The following HEATR1 variants were observed in gnomAD, a reference collection of about 807,000 sequenced individuals.
The protein encoded by HEATR1 is HEAT repeat-containing protein 1.
A neutral mutation model predicts 248.2 loss-of-function variants in HEATR1; 77 were observed. The observed-to-expected ratio is 0.31, with a 90% CI of 0.26 to 0.37. The LOEUF (loss-of-function observed/expected upper bound fraction) is 0.37, where lower values mean the gene tolerates loss of function less well. Among genes scored for constraint, HEATR1 ranks in the 10% least tolerant of loss-of-function variants. HEATR1 has a pLI of 1.00. For missense variants in HEATR1, 2,420 were observed against 2,504.9 expected (o/e 0.97, Z 0.72); for synonymous variants, 897 against 923.1 (o/e 0.97, Z 0.51).
intron 19 of HEATR1, among the ~76,000 whole-genome samples, chr1:236,581,646 C>T (rs1663744785): frequency 6.6e-6 from 1 of 152,100 alleles, no homozygotes; most frequent in South Asian, 2.1e-4. Flanking sequence ...AAACACAGAA[C>T]CAAGACAAGA....
At chr1:236,583,760 T>C (rs1663816584) in intron 17 of HEATR1, among the ~76,000 whole-genome samples, 1 of 152,182 alleles carries the variant, frequency 6.6e-6, no homozygotes, top group Non-Finnish European at 1.5e-5. Flanking sequence ...ATGCTGGGAT[T>C]ATAGGCGTGA....
At chr1:236,555,513 T>C in intron 40 of HEATR1, 38 bp downstream of exon 40, 1 of 1,614,046 alleles carries the variant, frequency 6.2e-7, no homozygotes, top group Non-Finnish European at 8.5e-7. Flanking sequence ...GTCACTTAAA[T>C]CTGAGCACAA....
rs1365723048 is a variant in HEATR1, at chr1:236,558,221, G to C, written c.5204+16C>G. 1.2e-5 allele frequency: 19 copies of C among 1,603,262 alleles called. No homozygotes were observed. The highest frequency in any genetic ancestry group is 1.6e-5 in the Non-Finnish European group (19 of 1,175,280). On this transcript the variant is annotated intron_variant, in intron 36 of 44. Coordinates refer to ENST00000366582, the MANE Select transcript of HEATR1 (RefSeq NM_018072.6). ...CAGGCGGTAACAGCTCCTGTTCCAA[G>C]TCTCCGGCCGCATACCTGGGAAGCT...
In HEATR1 at chr1:236,557,176, C is replaced by T. The variant is rs1572032135; in HGVS notation, c.5355+19G>A. The T allele has an allele frequency of 3.7e-6, 6 of 1,612,400 alleles. No individual in the cohort carries two copies. Among genetic ancestry groups the T allele is most frequent in the East Asian group, 2.2e-5 (1 of 44,856 alleles). ...TCCCCAGCCACCCTGCGTAGCATGT[C>T]GTGGCTATCGTGGCTCACCTGGGAG... On this transcript the variant is annotated intron_variant, in intron 37 of 44. Coordinates refer to ENST00000366582, the MANE Select transcript of HEATR1 (RefSeq NM_018072.6).
In HEATR1 at chr1:236,555,366, A is replaced by G. The variant is rs574526376; in HGVS notation, c.5853T>C (p.Phe1951=). 1 of 1,614,254 alleles carries G rather than the reference A, an allele frequency of 6.2e-7. No homozygotes were observed. The highest frequency in any genetic ancestry group is 1.7e-5 in the Admixed American group (1 of 60,028). The change falls in exon 41 of 45, where the codon TTT becomes TTC. Residue 1951 remains phenylalanine (F), a synonymous_variant. Transcript: ENST00000366582. ...TCACTAAGTGGCCGGCAAACAGAGT[A>G]AAAAGCCCTTTCAGCTTTTCAGCAA... The part of the protein sequence containing the change: ...DCIAEKLKGL[F]TLFAGHLVKP...
chr1:236,575,660 T>C (rs1267343316), intron 22 of HEATR1, among the ~76,000 whole-genome samples: 2 of 152,240 alleles, frequency 1.3e-5, no homozygotes, highest in Non-Finnish European at 2.9e-5. Context: ...ACAGTCAGTC[T>C]AGGACTGATG....
chr1:236,600,461 C>T (rs1251177531), intron 3 of HEATR1, among the ~76,000 whole-genome samples: 1 of 151,736 alleles, frequency 6.6e-6, no homozygotes, highest in African/African-American at 2.4e-5. Context: ...GCCAACTGAT[C>T]CCTCTTCTGT....
chr1:236,576,875 C>A lies in HEATR1; in HGVS notation c.2830G>T (p.Ala944Ser). The change falls in exon 21 of 45, where the codon GCC becomes TCC. Residue 944 changes from alanine (A) to serine (S), a missense_variant. Coordinates refer to ENST00000366582, the MANE Select transcript of HEATR1 (RefSeq NM_018072.6). The part of the protein sequence containing the change: ...VRRAAIQCLQ[A>S]LSGVASPFYL... The stretch of plus-strand genomic sequence containing the variant: ...AACGGGGATGCCACTCCACTGAGGG[C>A]CTGGAGACACTGAATGGCAGCCCTA... 6.2e-7 allele frequency: 1 copy of A among 1,613,812 alleles called. No homozygotes were observed.
At chr1:236,579,466 T>C (rs1016732238) in intron 20 of HEATR1, among the ~76,000 whole-genome samples, 5 of 152,186 alleles carry the variant, frequency 3.3e-5, no homozygotes, top group African/African-American at 1.2e-4. Flanking sequence ...CTAAATAAAA[T>C]ATATGTACCT....
At position 236,556,208 on chromosome 1, in the gene HEATR1, A is replaced by T. The variant is rs1384477971; in HGVS notation, c.5406T>A (p.Ala1802=). Residue 1802 remains alanine, a synonymous_variant, in exon 38 of 45, where the codon GCT becomes GCA. Transcript: ENST00000366582. ...ITSEMGSASQ[A]NIRLTSLKKT... Reference sequence around the variant, plus strand: ...TTTTAAGAGATGTGAGACGGATATTAGCCTGTGACGCAGAACCCATTTCAC... The same window carrying T: ...TTTTAAGAGATGTGAGACGGATATTTGCCTGTGACGCAGAACCCATTTCAC... 6.2e-7 allele frequency: 1 copy of T among 1,614,108 alleles called. No individual in the cohort carries two copies. The highest frequency in any genetic ancestry group is 1.1e-5 in the South Asian group (1 of 91,074).
At chr1:236,576,700 G>A in intron 21 of HEATR1, 80 bp downstream of exon 21, 1 of 1,315,266 alleles carries the variant, frequency 7.6e-7, no homozygotes, top group Non-Finnish European at 1.0e-6. Context: ...TCCCTACACA[G>A]TGAAATGTCG....
At chr1:236,597,609 C>G (rs1039810392) in intron 5 of HEATR1, among the ~76,000 whole-genome samples, 2 of 151,736 alleles carry the variant, frequency 1.3e-5, no homozygotes, top group Non-Finnish European at 2.9e-5. Flanking sequence ...TCTAGACACT[C>G]TCTTTGAATA....
chr1:236,553,533 T>TA, intron 43 of HEATR1, 48 bp downstream of exon 43: 1 of 1,584,784 alleles, frequency 6.3e-7, no homozygotes, highest in Non-Finnish European at 8.6e-7. Context: ...CTGTTTAGGC[T>TA]ATGCAGTGAA....
intron 12 of HEATR1, among the ~76,000 whole-genome samples, chr1:236,589,983 A>C (rs16834007): frequency 0.025 from 3,800 of 152,350 alleles, 55 homozygotes; most frequent in Middle Eastern, 0.054. Context: ...TGCTTGAATG[A>C]CTAAAGTTTG....
chr1:236,566,756 C>T lies in HEATR1; in HGVS notation c.4198G>A (p.Val1400Ile), dbSNP rs748240315. The change falls in exon 30 of 45, where the codon GTT (valine) becomes ATT (isoleucine). Residue 1400 changes from valine to isoleucine, a missense_variant. Coordinates refer to ENST00000366582, the MANE Select transcript of HEATR1 (RefSeq NM_018072.6). The part of the protein sequence containing the change: ...VPEHRRLPIL[V>I]QLVDTLGAEK... The stretch of plus-strand genomic sequence containing the variant: ...GCACCCAGTGTATCAACAAGTTGAA[C>T]AAGGATGGGCAGGCGCCTGTGCTCC... 25 of 1,614,014 alleles carry T rather than the reference C, an allele frequency of 1.5e-5. No individual in the cohort carries two copies. In the Admixed American group the frequency reaches 4.0e-4, roughly 26 times the overall value.
chr1:236,593,585 A>G (rs1223482926), intron 9 of HEATR1, among the ~76,000 whole-genome samples: 3 of 17,734 alleles, frequency 1.7e-4, no homozygotes, highest in Non-Finnish European at 3.5e-4. Context: ...CCATTAAGAG[A>G]AAAAAAAAAA....
intron 42 of HEATR1, among the ~76,000 whole-genome samples, chr1:236,553,952 A>G (rs1662862247): frequency 6.6e-6 from 1 of 152,232 alleles, no homozygotes; most frequent in Non-Finnish European, 1.5e-5. Flanking sequence ...TCTCTCCAGC[A>G]GAACATCTCA....
At chr1:236,590,006 C>A (rs1319479767) in intron 12 of HEATR1, among the ~76,000 whole-genome samples, 4 of 152,182 alleles carry the variant, frequency 2.6e-5, no homozygotes, top group Admixed American at 6.5e-5. Flanking sequence ...AACTACTATT[C>A]TATGTGCATC....
chr1:236,585,283 GGTCT>G, intron 16 of HEATR1, 67 bp from the exon 17 acceptor site: 1 of 1,294,434 alleles, frequency 7.7e-7, no homozygotes, highest in Non-Finnish European at 1.1e-6. Context: ...TTTCAACTCA[GGTCT>G]ATCTAGGTAT....
Sources: allele counts gnomAD v4.1 joint callset (sites outside exome capture counted in the v4.1 genomes callset), GRCh38; gene constraint gnomAD v4.1.1; transcripts MANE v1.5; gene names NCBI Gene and HGNC (gene_info 2026-07-23, HGNC 2026-07-21).